MMP8: variants seen among roughly 807,000 people sequenced by gnomAD.
The protein encoded by MMP8 is matrix metallopeptidase 8.
MMP8 carries 67 observed loss-of-function variants against 51.2 expected under a neutral mutation model. That is an observed-to-expected ratio of 1.31 (90% CI 1.08 to 1.60). MMP8 has a LOEUF of 1.60. Ranked by LOEUF, MMP8 falls within the 40% of genes most tolerant of loss-of-function variation. MMP8 has a pLI of 0.00. For synonymous variants in MMP8, 225 were observed against 191.0 expected, an observed-to-expected ratio of 1.18 and a Z score of -1.47; for missense variants, 654 against 558.1, an observed-to-expected ratio of 1.17 and a Z score of -1.73.
intron 4 of MMP8, among the ~76,000 whole-genome samples, chr11:102,719,408 A>G (rs554085780): frequency 1.3e-5 from 2 of 149,214 alleles, no homozygotes; most frequent in South Asian, 4.1e-4. Context: ...AAAAGCCATA[A>G]TTGTAGAGTA....
chr11:102,717,795 G>C (rs935098286), intron 5 of MMP8, among the ~76,000 whole-genome samples: 1 of 152,162 alleles, frequency 6.6e-6, no homozygotes, highest in Admixed American at 6.5e-5. Flanking sequence ...AAAAAGAATA[G>C]TCATGTCTTT....
At chr11:102,721,840 T>C in intron 2 of MMP8, 78 bp from the exon 3 acceptor site, 1 of 1,509,520 alleles carries the variant, frequency 6.6e-7, no homozygotes, top group Non-Finnish European at 9.0e-7. Context: ...TGTTCTGTTT[T>C]GAAGTGAGTT....
At position 102,713,806 on chromosome 11, in the gene MMP8, T is replaced by C. The variant is rs776949696; in HGVS notation, c.1242A>G (p.Ser414=). 6.2e-7 allele frequency: 1 copy of C among 1,612,624 alleles called. No homozygotes were observed. Among genetic ancestry groups the C allele is most frequent in the Non-Finnish European group, 8.5e-7 (1 of 1,179,410 alleles). Residue 414 remains serine, a synonymous_variant, in exon 9 of 10, where the codon TCA becomes TCG. Coordinates refer to ENST00000236826, the MANE Select transcript of MMP8 (RefSeq NM_002424.3). ...TACTCTCTATTCCTGGAAAGGCACC[T>C]GATATGCTTTTGGGATAACCTGGCT... ...FMEPGYPKSI[S]GAFPGIESKV... is the part of the protein sequence containing the mutation.
Position 102,716,343 on chromosome 11 carries a change from A to G in MMP8, c.861T>C (p.Ala287=). 6.3e-7 allele frequency: 1 copy of G among 1,596,666 alleles called. No homozygotes were observed. The highest frequency in any genetic ancestry group is 8.6e-7 in the Non-Finnish European group (1 of 1,169,488). Residue 287 remains alanine, a synonymous_variant, in exon 6 of 10, where the codon GCT becomes GCC. Coordinates refer to ENST00000236826, the MANE Select transcript of MMP8 (RefSeq NM_002424.3). ...GTATTTCTCCACGGAGTGTGGTGAT[A>G]GCATCAAATGTCAAACTGGGGTCAC... ...KPCDPSLTFD[A]ITTLRGEILF...
intron 1 of MMP8, among the ~76,000 whole-genome samples, chr11:102,724,472 T>A (rs1349613511): frequency 6.6e-6 from 1 of 152,334 alleles, no homozygotes; most frequent in Non-Finnish European, 1.5e-5. Context: ...TACCATTTTA[T>A]AAATAAAACC....
chr11:102,718,911 C>T (rs145609471), intron 4 of MMP8, among the ~76,000 whole-genome samples: 3,342 of 152,302 alleles, frequency 0.022, 41 homozygotes, highest in Non-Finnish European at 0.036. Flanking sequence ...CCCCTCTTCT[C>T]TTGCATTCCC....
chr11:102,718,683 C>G (rs547626647), intron 4 of MMP8, 108 bp from the exon 5 acceptor site: 1 of 1,216,612 alleles, frequency 8.2e-7, no homozygotes, highest in Admixed American at 2.1e-5. Flanking sequence ...GGGAAATAGC[C>G]CTTCCCATGG....
At chr11:102,717,110 A>G (rs1440529287) in intron 5 of MMP8, among the ~76,000 whole-genome samples, 1 of 152,138 alleles carries the variant, frequency 6.6e-6, no homozygotes. Context: ...AGAGACAGAA[A>G]AGGGCTTTCC....
At chr11:102,713,907 G>T in intron 8 of MMP8, 50 bp from the exon 9 acceptor site, 1 of 1,413,498 alleles carries the variant, frequency 7.1e-7, no homozygotes, top group Non-Finnish European at 9.6e-7. Flanking sequence ...AGAATATAAC[G>T]AAAAAAATTT....
chr11:102,713,719 A>T (rs774546878), intron 9 of MMP8, 35 bp downstream of exon 9: 52 of 1,515,838 alleles, frequency 3.4e-5, no homozygotes, highest in Non-Finnish European at 4.7e-5. Context: ...AAACAAACAA[A>T]CAACACATTT....
chr11:102,712,145 A>C lies in MMP8; in HGVS notation c.*1203T>G, dbSNP rs1460299960. On this transcript the variant is annotated 3_prime_UTR_variant, in exon 10 of 10. Coordinates refer to ENST00000236826, the MANE Select transcript of MMP8 (RefSeq NM_002424.3). ...CTTAATGAGACATTGAATTTTATGC[A>C]GCTAACCCAAGTTATCTATAGTGTG... 1.3e-5 allele frequency: 2 copies of C among 152,220 alleles called. No individual in the cohort carries two copies. Among genetic ancestry groups the C allele is most frequent in the Non-Finnish European group, 2.9e-5 (2 of 68,038 alleles). 9.4% of individuals were successfully genotyped at this position (152,220 alleles called of 1,614,324 possible). A position where few individuals can be genotyped will look rare whatever the true frequency, so the allele number is the denominator to read the frequency against.
Position 102,713,790 on chromosome 11 carries a change from T to C in MMP8, c.1258A>G (p.Ile420Val). 2 of 1,612,126 alleles carry C rather than the reference T, an allele frequency of 1.2e-6. No individual in the cohort carries two copies. Among genetic ancestry groups the C allele is most frequent in the African/African-American group, 1.3e-5 (1 of 74,906 alleles). Residue 420 changes from isoleucine (I) to valine (V), a missense_variant, in exon 9 of 10, where the codon ATA (isoleucine) becomes GTA (valine). By Grantham distance (29) the Ile-to-Val change is conservative (BLOSUM62 3). Transcript: ENST00000236826. The stretch of plus-strand genomic sequence containing the variant: ...AAAACTGCATCAACTTTACTCTCTA[T>C]TCCTGGAAAGGCACCTGATATGCTT... ...PKSISGAFPG[I>V]ESKVDAVFQQ...
intron 8 of MMP8, 22 bp from the exon 9 acceptor site, chr11:102,713,879 C>G (rs1161153150): frequency 6.4e-7 from 1 of 1,562,068 alleles, no homozygotes; most frequent in Non-Finnish European, 8.7e-7. Context: ...AAAATGTTAT[C>G]CGATTTAACA....
Position 102,721,518 on chromosome 11 carries a change from C to A in MMP8, c.505G>T (p.Asp169Tyr), listed in dbSNP as rs766958264. The stretch of plus-strand genomic sequence containing the variant: ...TTGGGTCCATCAAATGGAGAATTGT[C>A]ACCGTGATCTGAAATAAGAACATTT... The part of the protein sequence containing the change: ...NIAFYQRDHG[D>Y]NSPFDGPNGI... The change falls in exon 4 of 10, where the codon GAC becomes TAC. Residue 169 changes from aspartate to tyrosine, a missense_variant. Physicochemically the swap from Asp to Tyr is radical, Grantham distance 160. Coordinates refer to ENST00000236826, the MANE Select transcript of MMP8 (RefSeq NM_002424.3). The A allele has an allele frequency of 1.2e-6, 2 of 1,613,796 alleles. No homozygotes were observed. Among genetic ancestry groups the A allele is most frequent in the Admixed American group, 1.7e-5 (1 of 59,952 alleles).
At chr11:102,713,533 C>A in intron 9 of MMP8, 76 bp from the exon 10 acceptor site, 1 of 1,255,610 alleles carries the variant, frequency 8.0e-7, no homozygotes, top group Non-Finnish European at 1.1e-6. Flanking sequence ...AAACCCTGCC[C>A]CTGTTCCAAC....
intron 6 of MMP8, among the ~76,000 whole-genome samples, chr11:102,715,946 C>G (rs1861279659): frequency 6.6e-6 from 1 of 152,078 alleles, no homozygotes; most frequent in African/African-American, 2.4e-5. Context: ...CTATGGGGTT[C>G]CCAAGCAGCT....
In MMP8 at chr11:102,712,201, T is replaced by G. The variant is rs1035700914; in HGVS notation, c.*1147A>C. 1.3e-5 allele frequency: 2 copies of G among 152,106 alleles called. No homozygotes were observed. Among genetic ancestry groups the G allele is most frequent in the Non-Finnish European group, 2.9e-5 (2 of 68,010 alleles). The allele number at this position is 152,106 out of a possible 1,614,324, so 9.4% of individuals were successfully genotyped here. Reference sequence around the variant, plus strand: ...TCCTGAGTACCCCAGGAAATAGAAGTAAAGAACTGACGAACATCAGATCCA... The same window carrying G: ...TCCTGAGTACCCCAGGAAATAGAAGGAAAGAACTGACGAACATCAGATCCA... On this transcript the variant is annotated 3_prime_UTR_variant, in exon 10 of 10. Coordinates refer to ENST00000236826, the MANE Select transcript of MMP8 (RefSeq NM_002424.3).
rs758119795 is a variant in MMP8, at chr11:102,716,421, T to TG, written c.785-3dup. The TG allele has an allele frequency of 9.4e-4, 632 of 672,362 alleles. 3 individuals carry two copies. The African/African-American group carries it at 0.016, about 17-fold the overall frequency. 41.6% of individuals were successfully genotyped at this position (672,362 alleles called of 1,614,324 possible). On this transcript the variant is annotated splice_region_variant and splice_polypyrimidine_tract_variant and intron_variant, in intron 5 of 9. Transcript: ENST00000236826. ...GTTGGATAGGGTTGCTTGAAAGTCC[T>TG]GGAAAAAAAAAAAAAAAAAAAAAAA...
At position 102,712,341 on chromosome 11, in the gene MMP8, T is replaced by G. The variant is rs909826026; in HGVS notation, c.*1007A>C. 6.6e-6 allele frequency: 1 copy of G among 152,254 alleles called. No homozygotes were observed. The highest frequency in any genetic ancestry group is 1.5e-5 in the Non-Finnish European group (1 of 68,104). The allele number at this position is 152,254 out of a possible 1,614,324, so 9.4% of individuals were successfully genotyped here. A position where few individuals can be genotyped will look rare whatever the true frequency, so the allele number is the denominator to read the frequency against. The stretch of plus-strand genomic sequence containing the variant: ...GATGCCCAGTAGTCCTTAGCAAGGG[T>G]TCTACTTCTGCATTCTGTGTTGATT... On this transcript the variant is annotated 3_prime_UTR_variant, in exon 10 of 10. Coordinates refer to ENST00000236826, the MANE Select transcript of MMP8 (RefSeq NM_002424.3).
Sources: gnomAD v4.1 joint callset for allele counts (sites outside exome capture counted in the v4.1 genomes callset) on GRCh38, gnomAD v4.1.1 for gene constraint, MANE v1.5 for transcripts, NCBI Gene and HGNC (gene_info 2026-07-23, HGNC 2026-07-21) for gene names.